GPC5: variants seen among roughly 807,000 people sequenced by gnomAD.
The protein encoded by GPC5 is glypican 5.
A neutral mutation model predicts 53.9 loss-of-function variants in GPC5; 47 were observed. The ratio of observed to expected loss-of-function variants is 0.87; its 90% CI spans 0.69 to 1.11. The LOEUF (loss-of-function observed/expected upper bound fraction) is 1.11, where lower values mean the gene tolerates loss of function less well. Ranked by LOEUF, GPC5 falls within the 50% of genes most tolerant of loss-of-function variation. The pLI, the probability that GPC5 is intolerant of heterozygous loss-of-function variation, is 0.00. For missense variants in GPC5, 748 were observed against 713.1 expected, an observed-to-expected ratio of 1.05 and a Z score of -0.56; for synonymous variants, 286 against 263.3, an observed-to-expected ratio of 1.09 and a Z score of -0.84.
intron 7 of GPC5, among the ~76,000 whole-genome samples, chr13:92,246,210 A>G (rs1316575828): frequency 6.6e-6 from 1 of 152,116 alleles, no homozygotes; most frequent in African/African-American, 2.4e-5. Flanking sequence ...GGCATCCTTC[A>G]TTTTAAGCTA....
intron 7 of GPC5, among the ~76,000 whole-genome samples, chr13:92,232,513 A>G (rs1033081034): frequency 6.6e-6 from 1 of 152,232 alleles, no homozygotes; most frequent in Non-Finnish European, 1.5e-5. Flanking sequence ...CTGGCAGATC[A>G]TCTGTTACCA....
At chr13:92,363,906 T>C (rs1171867992) in intron 7 of GPC5, among the ~76,000 whole-genome samples, 1 of 151,750 alleles carries the variant, frequency 6.6e-6, no homozygotes, top group African/African-American at 2.4e-5. Flanking sequence ...CTGAAAAAGA[T>C]GATTGAACTA....
chr13:91,523,537 C>A (rs1229523453), intron 2 of GPC5, among the ~76,000 whole-genome samples: 1 of 152,072 alleles, frequency 6.6e-6, no homozygotes, highest in Non-Finnish European at 1.5e-5. Flanking sequence ...ACCACAAAAG[C>A]AGAGAATATA....
At chr13:91,590,072 A>AAT (rs2032741043) in intron 2 of GPC5, among the ~76,000 whole-genome samples, 1 of 151,720 alleles carries the variant, frequency 6.6e-6, no homozygotes, top group Non-Finnish European at 1.5e-5. Flanking sequence ...TTGTTTTATA[A>AAT]ATATATATAT....
At chr13:91,796,004 G>T (rs901250979) in intron 5 of GPC5, among the ~76,000 whole-genome samples, 14 of 152,134 alleles carry the variant, frequency 9.2e-5, no homozygotes, top group African/African-American at 3.4e-4. Context: ...TGCTCCCAGA[G>T]CTCCCAAGAT....
intron 7 of GPC5, among the ~76,000 whole-genome samples, chr13:92,505,553 G>T (rs1418488535): frequency 6.6e-6 from 1 of 152,002 alleles, no homozygotes; most frequent in Non-Finnish European, 1.5e-5. Flanking sequence ...GTGGTTGGTA[G>T]TTTCATGTTA....
chr13:91,782,321 A>G (rs2138723676), intron 5 of GPC5, among the ~76,000 whole-genome samples: 1 of 152,284 alleles, frequency 6.6e-6, no homozygotes, highest in East Asian at 1.9e-4. Flanking sequence ...TTAAAGAAAT[A>G]CCCGAGACTG....
chr13:91,591,597 T>A (rs188973065), intron 2 of GPC5, among the ~76,000 whole-genome samples: 74 of 152,340 alleles, frequency 4.9e-4, no homozygotes, highest in Admixed American at 3.9e-3. Context: ...GGTCTCTTTT[T>A]ATAATCCCAT....
rs142857948 is a variant in GPC5 at position 91,934,928 on chromosome 13, C to T, written c.1401+26871C>T. On this transcript the variant is annotated intron_variant, in intron 6 of 7. Coordinates refer to ENST00000377067, the MANE Select transcript of GPC5 (RefSeq NM_004466.6). The stretch of plus-strand genomic sequence containing the variant: ...GATCTACTATGGAAAATAATAGATA[C>T]GCATAATAGATAAGTGATTTGCTCT... 4.3e-4 allele frequency among the ~76,000 whole-genome samples: 65 copies of T among 151,988 alleles called. No individual in the cohort carries two copies. The East Asian group carries it at 0.01, about 24-fold the overall frequency.
intron 1 of GPC5, among the ~76,000 whole-genome samples, chr13:91,405,527 C>T (rs1042303657): frequency 9.9e-5 from 15 of 152,168 alleles, no homozygotes; most frequent in Non-Finnish European, 2.1e-4. Context: ...CTCAAGTTCA[C>T]GAAACTAGGT....
At chr13:91,493,163 G>T (rs1293747154) in intron 2 of GPC5, among the ~76,000 whole-genome samples, 1 of 152,184 alleles carries the variant, frequency 6.6e-6, no homozygotes, top group Non-Finnish European at 1.5e-5. Context: ...GCCTGCATAA[G>T]TGCAGCAGAA....
At chr13:92,553,311 T>C (rs1882384661) in intron 7 of GPC5, among the ~76,000 whole-genome samples, 1 of 151,954 alleles carries the variant, frequency 6.6e-6, no homozygotes, top group African/African-American at 2.4e-5. Flanking sequence ...CTAATTTCTG[T>C]TCCATTGCCT....
intron 7 of GPC5, among the ~76,000 whole-genome samples, chr13:92,495,109 C>T (rs1314714295): frequency 6.6e-6 from 1 of 152,078 alleles, no homozygotes; most frequent in Non-Finnish European, 1.5e-5. Context: ...GTTCTGAGTT[C>T]GTCAGTCTAG....
At chr13:92,008,012 TCTTGGAACA>T (rs2040623248) in intron 6 of GPC5, among the ~76,000 whole-genome samples, 1 of 152,156 alleles carries the variant, frequency 6.6e-6, no homozygotes, top group Non-Finnish European at 1.5e-5. Context: ...TTATTAGTTT[TCTTGGAACA>T]GTACATGACT....
intron 7 of GPC5, among the ~76,000 whole-genome samples, chr13:92,309,982 G>T (rs28556862): frequency 0.27 from 41,133 of 151,744 alleles, 6,081 homozygotes; most frequent in African/African-American, 0.39. Flanking sequence ...AGAATCCACA[G>T]GTAAGAAAGA....
In GPC5 at chr13:92,595,618, A is replaced by G. The variant is rs566128438; in HGVS notation, c.1562-270664A>G. On this transcript the variant is annotated intron_variant, in intron 7 of 7. Transcript: ENST00000377067. ...CCCGTCTCTACTGAAAATACAAAAA[A>G]TTAGCCGGGCGTGGTGGCGGGCACC... Among the ~76,000 whole-genome samples, 257 of 151,368 alleles carry G rather than the reference A, an allele frequency of 1.7e-3. 1 individual carries two copies. Among genetic ancestry groups the G allele is most frequent in the African/African-American group, 6.1e-3 (252 of 41,242 alleles).
intron 5 of GPC5, among the ~76,000 whole-genome samples, chr13:91,885,134 T>C (rs2039308579): frequency 1.3e-5 from 2 of 152,186 alleles, no homozygotes; most frequent in African/African-American, 4.8e-5. Context: ...AACATTAATG[T>C]TGATTATTTT....
chr13:91,569,199 G>T (rs182131120), intron 2 of GPC5, among the ~76,000 whole-genome samples: 1 of 152,096 alleles, frequency 6.6e-6, no homozygotes, highest in Non-Finnish European at 1.5e-5. Context: ...TAAAATTTTA[G>T]GATATGAAAG....
chr13:91,451,223 CA>C (rs1881150510), intron 2 of GPC5, among the ~76,000 whole-genome samples: 1 of 152,080 alleles, frequency 6.6e-6, no homozygotes, highest in African/African-American at 2.4e-5. Context: ...TTTTAGTTTT[CA>C]AATAGTTCAT....
Sources: allele counts gnomAD v4.1 joint callset (sites outside exome capture counted in the v4.1 genomes callset), GRCh38; gene constraint gnomAD v4.1.1; transcripts MANE v1.5; gene names NCBI Gene and HGNC (gene_info 2026-07-23, HGNC 2026-07-21).